NETO1: variants seen among roughly 807,000 people sequenced by gnomAD.
NETO1 encodes the protein neuropilin and tolloid-like protein 1.
In NETO1, 26 loss-of-function variants were observed where a neutral mutation model predicts 61.3. The ratio of observed to expected loss-of-function variants is 0.42; its 90% CI spans 0.31 to 0.59. NETO1 has a LOEUF of 0.59. NETO1 is among the 20% of genes least tolerant of loss of function. The pLI is 0.12. For synonymous variants in NETO1, 225 were observed against 225.8 expected (o/e 1.00, Z 0.03); for missense variants, 531 against 662.8 (o/e 0.80, Z 2.18).
chr18:72,793,656 G>A (rs2072213107), intron 6 of NETO1, among the ~76,000 whole-genome samples: 1 of 152,062 alleles, frequency 6.6e-6, no homozygotes, highest in South Asian at 2.1e-4. Context: ...GATCTCCCAG[G>A]CCCTGTTACC....
intron 4 of NETO1, among the ~76,000 whole-genome samples, chr18:72,803,119 A>G (rs2072561536): frequency 6.6e-6 from 1 of 152,228 alleles, no homozygotes; most frequent in South Asian, 2.1e-4. Context: ...GATTTTTAAG[A>G]AAAACAACCG....
At chr18:72,864,777 C>G (rs1271183769) in intron 3 of NETO1, 31 bp downstream of exon 3, 8 of 1,613,510 alleles carry the variant, frequency 5.0e-6, no homozygotes, top group Non-Finnish European at 6.8e-6. Context: ...TGGCTTAGTG[C>G]TTTCTTAACT....
chr18:72,813,983 C>T (rs17794518), intron 4 of NETO1, among the ~76,000 whole-genome samples: 22,702 of 151,750 alleles, frequency 0.15, 1,889 homozygotes, highest in Middle Eastern at 0.23. Context: ...TTCAGTGGCA[C>T]CCGGGAGACT....
chr18:72,829,237 C>A (rs530408363), intron 4 of NETO1, among the ~76,000 whole-genome samples: 1 of 152,016 alleles, frequency 6.6e-6, no homozygotes, highest in African/African-American at 2.4e-5. Flanking sequence ...TCTAAATAAG[C>A]GAATAATCAT....
intron 4 of NETO1, among the ~76,000 whole-genome samples, chr18:72,811,063 A>G (rs376696719): frequency 7.2e-4 from 109 of 152,266 alleles, no homozygotes; most frequent in African/African-American, 2.5e-3. Context: ...TAAAATCTCT[A>G]CTACCTCCTT....
chr18:72,867,705 A>AGGCGGG lies in NETO1; in HGVS notation c.-415_-414insCCCGCC, dbSNP rs1467866741. 6.7e-6 allele frequency: 1 copy of AGGCGGG among 149,746 alleles called. No homozygotes were observed. The highest frequency in any genetic ancestry group is 1.5e-5 in the Non-Finnish European group (1 of 67,038). 9.3% of individuals were successfully genotyped at this position (149,746 alleles called of 1,614,324 possible). On this transcript the variant is annotated 5_prime_UTR_variant, in exon 1 of 11. Coordinates refer to ENST00000327305, the MANE Select transcript of NETO1 (RefSeq NM_138966.5). ...GCAGGGCGAGCCCCGGGACGCCCCG[A>AGGCGGG]GCCGGGGCCGGGGCCGGGGAGAGGG...
intron 6 of NETO1, among the ~76,000 whole-genome samples, chr18:72,785,969 T>C (rs2071901862): frequency 1.3e-5 from 2 of 152,220 alleles, no homozygotes; most frequent in African/African-American, 4.8e-5. Context: ...ATAGGTTATA[T>C]GTCCCTTCTA....
chr18:72,822,468 G>A (rs1035666608), intron 4 of NETO1, among the ~76,000 whole-genome samples: 7 of 152,192 alleles, frequency 4.6e-5, no homozygotes, highest in Admixed American at 3.9e-4. Context: ...GTGGGGAGGC[G>A]GAGCAGGGAG....
intron 8 of NETO1, among the ~76,000 whole-genome samples, chr18:72,754,131 A>G (rs1223126241): frequency 6.6e-6 from 1 of 152,158 alleles, no homozygotes; most frequent in Admixed American, 6.5e-5. Flanking sequence ...AATCTAATAC[A>G]TTCTGAGAAG....
chr18:72,770,951 A>G (rs1270291676), intron 7 of NETO1, among the ~76,000 whole-genome samples: 2 of 152,178 alleles, frequency 1.3e-5, no homozygotes, highest in South Asian at 2.1e-4. Context: ...TAACAAAGTT[A>G]TTTAAACTCA....
At chr18:72,772,760 T>TAA (rs2071395635) in intron 7 of NETO1, among the ~76,000 whole-genome samples, 1 of 2,522 alleles carries the variant, frequency 4.0e-4, no homozygotes, top group Non-Finnish European at 6.6e-4. Context: ...TATATATATC[T>TAA]ATATATATAT....
intron 6 of NETO1, among the ~76,000 whole-genome samples, chr18:72,784,856 T>C (rs1244056318): frequency 6.6e-6 from 1 of 152,238 alleles, no homozygotes; most frequent in Non-Finnish European, 1.5e-5. Flanking sequence ...TGTCCTGTGA[T>C]TGTTGCAGAC....
intron 7 of NETO1, among the ~76,000 whole-genome samples, chr18:72,777,952 G>A (rs2145206721): frequency 6.6e-6 from 1 of 152,170 alleles, no homozygotes; most frequent in Non-Finnish European, 1.5e-5. Flanking sequence ...TCTCTGCAGT[G>A]CGCCCCCTTG....
At position 72,830,199 on chromosome 18, in the gene NETO1, A is replaced by G. The variant is rs2073529607; in HGVS notation, c.469+28627T>C. Among the ~76,000 whole-genome samples the G allele has an allele frequency of 1.3e-5, 2 of 152,262 alleles. No individual in the cohort carries two copies. Among genetic ancestry groups the G allele is most frequent in the East Asian group, 3.9e-4 (2 of 5,178 alleles). ...TCCACAGCATAGAGGAAGCGGCGGC[A>G]CAGGGAAGGAAGCAGCCCTCCCAAG... On this transcript the variant is annotated intron_variant, in intron 4 of 10. Transcript: ENST00000327305. The surrounding 1 kb of genome is among the most constrained non-coding windows in gnomAD (Gnocchi z 4.9).
intron 3 of NETO1, among the ~76,000 whole-genome samples, chr18:72,862,015 G>A (rs1245302688): frequency 6.6e-6 from 1 of 152,090 alleles, no homozygotes; most frequent in Non-Finnish European, 1.5e-5. Flanking sequence ...GTGGCATCGT[G>A]CGCACCTGAC....
intron 7 of NETO1, among the ~76,000 whole-genome samples, chr18:72,765,195 C>A (rs952606889): frequency 2.6e-5 from 4 of 152,118 alleles, no homozygotes; most frequent in Admixed American, 2.6e-4. Context: ...TCTTCCTAAC[C>A]TCAGATGTCA....
chr18:72,769,162 A>AT (rs1056711716), intron 7 of NETO1, among the ~76,000 whole-genome samples: 6 of 151,966 alleles, frequency 3.9e-5, no homozygotes, highest in African/African-American at 1.2e-4. Flanking sequence ...CCAAGGCTAC[A>AT]TTTTTTTTCT....
intron 4 of NETO1, chr18:72,834,481 A>G (rs1042543474): frequency 1.0e-6 from 1 of 978,318 alleles, no homozygotes; most frequent in Non-Finnish European, 1.2e-6. Context: ...TCATTTTTAA[A>G]TTATGTGACA....
In NETO1 at chr18:72,753,304, T is replaced by C. The variant is rs575455004; in HGVS notation, c.983-2684A>G. Among the ~76,000 whole-genome samples, 8 of 149,184 alleles carry C rather than the reference T, an allele frequency of 5.4e-5. No homozygotes were observed. In the East Asian group the frequency reaches 1.4e-3, roughly 25 times the overall value. On this transcript the variant is annotated intron_variant, in intron 8 of 10. Transcript: ENST00000327305. ...ATCATAGAAAGGAGCCTCAATCAAA[T>C]TAACACCTGAGTTATCATCAGTGGA...
Sources: gnomAD v4.1 joint callset for allele counts (sites outside exome capture counted in the v4.1 genomes callset) on GRCh38, gnomAD v4.1.1 for gene constraint, Gnocchi (gnomAD v3.1) non-coding constraint, MANE v1.5 for transcripts, NCBI Gene and HGNC (gene_info 2026-07-23, HGNC 2026-07-21) for gene names.